ZC3H14: variants seen among roughly 807,000 people sequenced by gnomAD.
ZC3H14 encodes the protein zinc finger CCCH domain-containing protein 14.
Under a neutral mutation model 92.4 loss-of-function variants are expected in ZC3H14, and 31 were observed. That is an observed-to-expected ratio of 0.34 (90% CI 0.25 to 0.45). ZC3H14 has a LOEUF of 0.45. ZC3H14 is among the 20% of genes least tolerant of loss of function. The pLI, the probability that ZC3H14 is intolerant of heterozygous loss-of-function variation, is 1.00. For missense variants in ZC3H14, 781 were observed against 897.3 expected (o/e 0.87, Z 1.66); for synonymous variants, 321 against 300.9 (o/e 1.07, Z -0.69).
At position 88,616,681 on chromosome 14, in the gene ZC3H14, A is replaced by G. The variant is rs2087674072; in HGVS notation, c.*4930A>G. On this transcript the variant is annotated 3_prime_UTR_variant, in exon 17 of 17. Transcript: ENST00000251038. The stretch of plus-strand genomic sequence containing the variant: ...GGAAAAGTGCTGATGATAAGACATC[A>G]AAATTAGGAGTAAACTGATAATAGT... 1 of 1,555,764 alleles carries G rather than the reference A, an allele frequency of 6.4e-7. No homozygotes were observed. Among genetic ancestry groups the G allele is most frequent in the East Asian group, 2.3e-5 (1 of 43,842 alleles).
rs2081392124 is a variant in ZC3H14, at chr14:88,578,063, G to A, written c.1202G>A (p.Gly401Glu). ...GAATTGCTAGCAGAAGTGGTCCAGG[G>A]ACAAAGTAGGACCCCCAGAATAAGT... ...QEELLAEVVQGQSRTPRISPP... is the reference protein window; with the variant it reads ...QEELLAEVVQEQSRTPRISPP... Residue 401 changes from glycine (G) to glutamate (E), a missense_variant, in exon 9 of 17, where the codon GGA becomes GAA. Around this residue, in one of 3 missense-constraint regions of ZC3H14, gnomAD observed 454 missense variants for 438.5 expected, o/e 1.04. Coordinates refer to ENST00000251038, the MANE Select transcript of ZC3H14 (RefSeq NM_024824.5). 1 of 1,614,048 alleles carries A rather than the reference G, an allele frequency of 6.2e-7. No individual in the cohort carries two copies. The highest frequency in any genetic ancestry group is 8.5e-7 in the Non-Finnish European group (1 of 1,179,992).
In ZC3H14 at chr14:88,624,852, T is replaced by C. The variant is rs2089679057; in HGVS notation, c.*13101T>C. ...TAAAAGGTAATAAAGGAGAAGCATA[T>C]GAGGAGGAAGGTCGGAGAGGACACT... On this transcript the variant is annotated 3_prime_UTR_variant, in exon 17 of 17. Transcript: ENST00000251038. 9.6e-7 allele frequency: 1 copy of C among 1,044,040 alleles called. No homozygotes were observed. The highest frequency in any genetic ancestry group is 1.3e-6 in the Non-Finnish European group (1 of 741,064). The allele number at this position is 1,044,040 out of a possible 1,614,324, so 64.7% of individuals were successfully genotyped here. A position where few individuals can be genotyped will look rare whatever the true frequency, so the allele number is the denominator to read the frequency against.
rs1403420622 is a variant in ZC3H14, at chr14:88,602,931, T to C, written c.1618T>C (p.Cys540Arg). The change falls in exon 12 of 17, where the codon TGC (cysteine) becomes CGC (arginine). Residue 540 changes from cysteine to arginine, a missense_variant. Physicochemically the swap from Cys to Arg is radical, Grantham distance 180 (BLOSUM62 -3). This residue lies in a region of ZC3H14 where 221 missense variants were observed against 304.7 expected (regional missense o/e 0.73). Transcript: ENST00000251038. ...CATGTCAGATCAAGAGGAGGACATG[T>C]GCTTTGAAGGAATGAAACCCGTAAA... is the stretch of plus-strand genomic sequence containing the variant. Reference protein sequence around the residue: ...GYMSDQEEDMCFEGMKPVNQT... With the variant: ...GYMSDQEEDMRFEGMKPVNQT... 1.2e-6 allele frequency: 2 copies of C among 1,614,100 alleles called. No individual in the cohort carries two copies. The highest frequency in any genetic ancestry group is 1.1e-5 in the South Asian group (1 of 91,072).
intron 10 of ZC3H14, among the ~76,000 whole-genome samples, chr14:88,597,325 C>T (rs1008700577): frequency 6.6e-6 from 1 of 152,196 alleles, no homozygotes; most frequent in Non-Finnish European, 1.5e-5. Context: ...CTGGAGCTGA[C>T]GCCTTCATTT....
chr14:88,616,654 G>C lies in ZC3H14; in HGVS notation c.*4903G>C. On this transcript the variant is annotated 3_prime_UTR_variant, in exon 17 of 17. Transcript: ENST00000251038. The stretch of plus-strand genomic sequence containing the variant: ...TTAGGACAAAACATTTTAAATATAT[G>C]GGGAAAAGTGCTGATGATAAGACAT... 1 of 1,366,752 alleles carries C rather than the reference G, an allele frequency of 7.3e-7. No homozygotes were observed. The highest frequency in any genetic ancestry group is 9.8e-7 in the Non-Finnish European group (1 of 1,016,176). The allele number at this position is 1,366,752 out of a possible 1,614,324, so 84.7% of individuals were successfully genotyped here.
In ZC3H14 at chr14:88,607,227, T is replaced by A. The variant is rs2085553705; in HGVS notation, c.1748-16T>A. The A allele has an allele frequency of 6.2e-7, 1 of 1,613,924 alleles. No individual in the cohort carries two copies. Among genetic ancestry groups the A allele is most frequent in the Non-Finnish European group, 8.5e-7 (1 of 1,179,952 alleles). On this transcript the variant is annotated splice_polypyrimidine_tract_variant and intron_variant, in intron 12 of 16. Transcript: ENST00000251038. The stretch of plus-strand genomic sequence containing the variant: ...TCATAATGAATGAAATACTTTTATT[T>A]CCTTTCCCTTTGTAGCTGAGATGAG...
intron 9 of ZC3H14, chr14:88,590,034 G>GT (rs2082922901): frequency 6.6e-6 from 1 of 152,272 alleles, no homozygotes; most frequent in South Asian, 2.1e-4. Context: ...GGAGGCTGAG[G>GT]TACGAGAATT....
In ZC3H14 at chr14:88,611,806, T is replaced by TGAAA. The variant is rs2086842810; in HGVS notation, c.*58_*61dup. 4.3e-6 allele frequency: 7 copies of TGAAA among 1,611,502 alleles called. No homozygotes were observed. Among genetic ancestry groups the TGAAA allele is most frequent in the Non-Finnish European group, 5.9e-6 (7 of 1,177,912 alleles). The stretch of plus-strand genomic sequence containing the variant: ...CAGTTTGGAAGTTTTCATGTACTGA[T>TGAAA]GAAAGATACTCTACAGAACTTGTCA... On this transcript the variant is annotated 3_prime_UTR_variant, in exon 17 of 17. Transcript: ENST00000251038.
chr14:88,564,817 A>G (rs1595459178), intron 2 of ZC3H14, among the ~76,000 whole-genome samples: 1 of 152,344 alleles, frequency 6.6e-6, no homozygotes, highest in African/African-American at 2.4e-5. Flanking sequence ...AGAAATGCTC[A>G]TAAAACATTT....
chr14:88,564,292 CTTTTA>C (rs1370762031), intron 2 of ZC3H14, among the ~76,000 whole-genome samples: 3 of 152,022 alleles, frequency 2.0e-5, no homozygotes, highest in Non-Finnish European at 2.9e-5. Context: ...TCTCTTTATT[CTTTTA>C]TAATTTGAGT....
intron 6 of ZC3H14, chr14:88,574,411 A>G (rs772106477): frequency 3.8e-5 from 14 of 366,806 alleles, no homozygotes; most frequent in Non-Finnish European, 6.3e-5. Context: ...ACGCTCAGCT[A>G]ATTTTTGTAT....
chr14:88,618,830 G>A lies in ZC3H14; in HGVS notation c.*7079G>A, dbSNP rs376830332. ...GACTAAATCTGAATCAAAACAAAAC[G>A]TAAAAAGTATTAGACCACATGAAGT... On this transcript the variant is annotated 3_prime_UTR_variant, in exon 17 of 17. Transcript: ENST00000251038. The A allele has an allele frequency of 1.2e-5, 18 of 1,555,310 alleles. No homozygotes were observed. Among genetic ancestry groups the A allele is most frequent in the African/African-American group, 2.7e-5 (2 of 73,032 alleles).
rs1310460015 is a variant in ZC3H14, at chr14:88,616,835, T to G, written c.*5084T>G. The G allele has an allele frequency of 6.2e-7, 1 of 1,613,942 alleles. No individual in the cohort carries two copies. Reference sequence around the variant, plus strand: ...ACAGGCACAGTTGACATCAGCTTTCTCAGCATGTCTGGACCAGATTCCCAA... The same window carrying G: ...ACAGGCACAGTTGACATCAGCTTTCGCAGCATGTCTGGACCAGATTCCCAA... On this transcript the variant is annotated 3_prime_UTR_variant, in exon 17 of 17. Coordinates refer to ENST00000251038, the MANE Select transcript of ZC3H14 (RefSeq NM_024824.5).
chr14:88,583,054 T>C (rs2082089061), intron 9 of ZC3H14, among the ~76,000 whole-genome samples: 1 of 150,688 alleles, frequency 6.6e-6, no homozygotes, highest in Non-Finnish European at 1.5e-5. Context: ...TTCAAAGACT[T>C]AACAACATTA....
intron 7 of ZC3H14, among the ~76,000 whole-genome samples, chr14:88,575,234 G>A (rs919992382): frequency 2.0e-5 from 3 of 152,136 alleles, no homozygotes; most frequent in African/African-American, 7.2e-5. Context: ...CACCGCACCT[G>A]ACATAAATAT....
In ZC3H14 at chr14:88,607,342, A is replaced by G. The variant is rs2140115217; in HGVS notation, c.1847A>G (p.His616Arg). The change falls in exon 13 of 17, where the codon CAT becomes CGT. Residue 616 changes from histidine to arginine, a missense_variant. His to Arg is a conservative substitution (Grantham distance 29). This residue lies in a region of ZC3H14 where 221 missense variants were observed against 304.7 expected (regional missense o/e 0.73). Coordinates refer to ENST00000251038, the MANE Select transcript of ZC3H14 (RefSeq NM_024824.5). ...AAAAATGGGGATGAGTGTGCCTACCATCACCCCATCTCACCCTGCAAGTGA... is the reference window on the plus strand; with the variant it reads ...AAAAATGGGGATGAGTGTGCCTACCGTCACCCCATCTCACCCTGCAAGTGA... ...ACKNGDECAY[H>R]HPISPCKAFP... 4 of 1,613,234 alleles carry G rather than the reference A, an allele frequency of 2.5e-6. No homozygotes were observed. Among genetic ancestry groups the G allele is most frequent in the Non-Finnish European group, 3.4e-6 (4 of 1,179,598 alleles).
chr14:88,575,349 G>T (rs1443925006), intron 7 of ZC3H14, among the ~76,000 whole-genome samples: 2 of 152,098 alleles, frequency 1.3e-5, no homozygotes, highest in South Asian at 4.1e-4. Context: ...TGACTAATAT[G>T]GTGGGGTGAG....
At chr14:88,563,579 G>A in intron 1 of ZC3H14, 72 bp from the exon 2 acceptor site, 2 of 1,599,288 alleles carry the variant, frequency 1.3e-6, no homozygotes, top group Non-Finnish European at 1.7e-6. Flanking sequence ...AGTGGCCTCA[G>A]CCGCTGCAGA....
At chr14:88,565,376 T>C (rs966155666) in intron 2 of ZC3H14, among the ~76,000 whole-genome samples, 1 of 151,952 alleles carries the variant, frequency 6.6e-6, no homozygotes, top group Non-Finnish European at 1.5e-5. Flanking sequence ...CTCCTGACCT[T>C]GTGATTCGCG....
Sources: gnomAD v4.1 joint callset for allele counts (sites outside exome capture counted in the v4.1 genomes callset) on GRCh38, gnomAD v4.1.1 for gene constraint, gnomAD v4.1.1 regional missense constraint, MANE v1.5 for transcripts, NCBI Gene and HGNC (gene_info 2026-07-23, HGNC 2026-07-21) for gene names.